Variants in NR3C2 observed in about 807,000 individuals in gnomAD.
NR3C2 encodes mineralocorticoid receptor.
In NR3C2, 15 loss-of-function variants were observed where a neutral mutation model predicts 86.4. The ratio of observed to expected loss-of-function variants is 0.17; its 90% confidence interval spans 0.12 to 0.27. The LOEUF (loss-of-function observed/expected upper bound fraction) is 0.27. Ranked by LOEUF, NR3C2 falls within the 10% of genes least tolerant of loss-of-function variation. The pLI is 1.00. For synonymous variants in NR3C2, 458 were observed against 450.5 expected, an observed-to-expected ratio of 1.02 and a Z score of -0.21; for missense variants, 960 against 1,195.6, an observed-to-expected ratio of 0.80 and a Z score of 2.91.
chr4:148,180,384 T>C (rs1194362947), intron 4 of NR3C2, among the ~76,000 whole-genome samples: 1 of 147,016 alleles, frequency 6.8e-6, no homozygotes, highest in Non-Finnish European at 1.5e-5. Context: ...GGTAACTTAC[T>C]GATGGCTTTT....
intron 2 of NR3C2, among the ~76,000 whole-genome samples, chr4:148,348,257 G>A (rs2149989571): frequency 6.6e-6 from 1 of 152,174 alleles, no homozygotes; most frequent in African/African-American, 2.4e-5. Flanking sequence ...AGCCCTATCA[G>A]CCACAAACAT....
At chr4:148,092,804 A>G (rs1731117015) in intron 8 of NR3C2, among the ~76,000 whole-genome samples, 1 of 152,128 alleles carries the variant, frequency 6.6e-6, no homozygotes, top group Non-Finnish European at 1.5e-5. Context: ...TTCTCTGCTC[A>G]CTGTGGTTAG....
At chr4:148,189,478 G>A (rs1267791623) in intron 4 of NR3C2, among the ~76,000 whole-genome samples, 2 of 152,056 alleles carry the variant, frequency 1.3e-5, no homozygotes, top group East Asian at 3.8e-4. Context: ...TATGTGCATC[G>A]GCGATATCAG....
intron 3 of NR3C2, among the ~76,000 whole-genome samples, chr4:148,259,305 G>A (rs539010609): frequency 1.3e-5 from 2 of 152,254 alleles, no homozygotes; most frequent in Admixed American, 1.3e-4. Flanking sequence ...TAAGTCTGAT[G>A]GTAACTAACT....
intron 1 of NR3C2, among the ~76,000 whole-genome samples, chr4:148,439,498 T>A (rs1257562028): frequency 6.6e-6 from 1 of 152,090 alleles, no homozygotes; most frequent in Non-Finnish European, 1.5e-5. Flanking sequence ...ACTGGCACAC[T>A]CTGCGTCACT....
intron 2 of NR3C2, among the ~76,000 whole-genome samples, chr4:148,329,805 T>C (rs1512343): frequency 0.7 from 106,703 of 152,200 alleles, 38,001 homozygotes; most frequent in East Asian, 0.88. Context: ...AACAATTCGC[T>C]CAGTTAAAAA....
chr4:148,134,409 C>G (rs376244460), intron 6 of NR3C2, among the ~76,000 whole-genome samples: 1 of 152,290 alleles, frequency 6.6e-6, no homozygotes, highest in East Asian at 1.9e-4. Context: ...TTTTAATCCA[C>G]TTGTATGAAA....
At position 148,346,175 on chromosome 4, in the gene NR3C2, T is replaced by C. The variant is rs549330303; in HGVS notation, c.1758-86058A>G. ...AATAAGGCATGTTTGCACTTTATACTAAGGCAATGGAAACTATGAAAATAT... is the reference window on the plus strand; with the variant it reads ...AATAAGGCATGTTTGCACTTTATACCAAGGCAATGGAAACTATGAAAATAT... On this transcript the variant is annotated intron_variant, in intron 2 of 8. Transcript: ENST00000358102. Among the ~76,000 whole-genome samples the C allele has an allele frequency of 8.5e-4, 129 of 152,194 alleles. 1 individual carries two copies. Among genetic ancestry groups the C allele is most frequent in the African/African-American group, 2.9e-3 (121 of 41,544 alleles).
At chr4:148,444,500 C>A, upstream of NR3C2, 1 of 985,864 alleles carries the variant, frequency 1.0e-6, no homozygotes, top group Non-Finnish European at 1.2e-6. Flanking sequence ...CCGCTGTCAG[C>A]GCAAAGTGAC....
chr4:148,183,758 A>T (rs942460139), intron 4 of NR3C2, among the ~76,000 whole-genome samples: 6 of 152,212 alleles, frequency 3.9e-5, no homozygotes, highest in African/African-American at 1.4e-4. Flanking sequence ...TTCAATCAAT[A>T]GCCAGTGAAC....
intron 2 of NR3C2, among the ~76,000 whole-genome samples, chr4:148,374,266 CACT>C (rs1451231457): frequency 3.5e-4 from 54 of 152,296 alleles, no homozygotes; most frequent in African/African-American, 1.3e-3. Context: ...ATTAAATATT[CACT>C]ACATTAGAAT....
intron 3 of NR3C2, among the ~76,000 whole-genome samples, chr4:148,203,162 T>C (rs1270396854): frequency 1.3e-5 from 2 of 152,308 alleles, no homozygotes; most frequent in East Asian, 3.9e-4. Flanking sequence ...CCAGAGCCAT[T>C]AATAAATCTG....
At chr4:148,101,251 A>C (rs1254137213) in intron 8 of NR3C2, among the ~76,000 whole-genome samples, 3 of 152,216 alleles carry the variant, frequency 2.0e-5, no homozygotes, top group Non-Finnish European at 4.4e-5. Context: ...GTACAATTGC[A>C]TCTTAAAATG....
intron 3 of NR3C2, among the ~76,000 whole-genome samples, chr4:148,220,462 C>T (rs74906499): frequency 6.6e-6 from 1 of 152,036 alleles, no homozygotes; most frequent in Non-Finnish European, 1.5e-5. Context: ...GGGAGAGAAA[C>T]CATAAGTTAA....
At chr4:148,317,839 A>G (rs1219415698) in intron 2 of NR3C2, among the ~76,000 whole-genome samples, 1 of 151,994 alleles carries the variant, frequency 6.6e-6, no homozygotes, top group Non-Finnish European at 1.5e-5. Flanking sequence ...AATAACCTTA[A>G]ATTTTGAATA....
intron 1 of NR3C2, among the ~76,000 whole-genome samples, chr4:148,440,240 C>T (rs2126667621): frequency 6.6e-6 from 1 of 152,282 alleles, no homozygotes; most frequent in Admixed American, 6.5e-5. Context: ...TATTTTGAGT[C>T]TCCCTAGTAT....
At chr4:148,329,487 T>G (rs920885818) in intron 2 of NR3C2, among the ~76,000 whole-genome samples, 4 of 152,212 alleles carry the variant, frequency 2.6e-5, no homozygotes, top group African/African-American at 9.7e-5. Flanking sequence ...ATTTACAGAT[T>G]CTACACTTTT....
At chr4:148,186,608 A>C (rs1024977366) in intron 4 of NR3C2, among the ~76,000 whole-genome samples, 1 of 152,112 alleles carries the variant, frequency 6.6e-6, no homozygotes, top group Non-Finnish European at 1.5e-5. Context: ...AGTATTGTAC[A>C]TAATCTATTT....
At chr4:148,213,795 A>C (rs1373124821) in intron 3 of NR3C2, among the ~76,000 whole-genome samples, 3 of 152,368 alleles carry the variant, frequency 2.0e-5, no homozygotes, top group Non-Finnish European at 4.4e-5. Flanking sequence ...GTAAAGCCAT[A>C]AAATGAATAC....
Sources: allele counts gnomAD v4.1 joint callset (sites outside exome capture counted in the v4.1 genomes callset), GRCh38; gene constraint gnomAD v4.1.1; transcripts MANE v1.5; gene names NCBI Gene and HGNC (gene_info 2026-07-23, HGNC 2026-07-21).